The following WNK1 variants were observed in gnomAD, a reference collection of about 807,000 sequenced individuals.
The protein encoded by WNK1 is serine/threonine-protein kinase WNK1.
Under a neutral mutation model 222.8 loss-of-function variants are expected in WNK1, and 38 were observed. The ratio of observed to expected loss-of-function variants is 0.17; its 90% CI spans 0.13 to 0.22. The LOEUF is 0.22. Ranked by LOEUF, WNK1 falls within the 10% of genes least tolerant of loss-of-function variation. WNK1 has a pLI of 1.00. For missense variants in WNK1, 2,348 were observed against 2,918.4 expected (o/e 0.80, Z 4.50); for synonymous variants, 1,090 against 1,092.9 (o/e 1.00, Z 0.05).
chr12:880,987 A>C lies in WNK1; in HGVS notation c.3099A>C (p.Gln1033His), dbSNP rs758615529. 2.1e-5 allele frequency: 34 copies of C among 1,614,180 alleles called. 2 individuals are homozygous for C. In the South Asian group the frequency reaches 3.7e-4, roughly 18 times the overall value. ...AAGCCCCCACTACATCCTCCCAGCA[A>C]GCAGTTTTGGAGGTAAATAGAATTA... ...LAQAPTTSSQ[Q>H]AVLESTQGVS... Residue 1033 changes from glutamine to histidine, a missense_variant, in exon 12 of 28, where the codon CAA becomes CAC. Coordinates refer to ENST00000315939, the MANE Select transcript of WNK1 (RefSeq NM_018979.4).
chr12:894,532 A>T, intron 22 of WNK1, 30 bp from the exon 23 acceptor site: 2 of 1,582,906 alleles, frequency 1.3e-6, no homozygotes, highest in Non-Finnish European at 1.7e-6. Context: ...GGAGACACTT[A>T]TGTTTTCCTC....
rs1953206838 is a variant in WNK1 at position 881,979 on chromosome 12, A to G, written c.3278A>G (p.His1093Arg). The change falls in exon 14 of 28, where the codon CAT (histidine) becomes CGT (arginine). Residue 1093 changes from histidine (H) to arginine (R), a missense_variant. Physicochemically the swap from His to Arg is conservative, Grantham distance 29 (BLOSUM62 0). Transcript: ENST00000315939. ...AACGTCCCATCTTCCAGTGGAAGGC[A>G]TGAAGGAAGAACTACAAAACGGCAT... is the stretch of plus-strand genomic sequence containing the variant. ...NENVPSSSGR[H>R]EGRTTKRHYR... The G allele has an allele frequency of 3.1e-6, 5 of 1,614,224 alleles. No individual in the cohort carries two copies. The East Asian group carries it at 1.1e-4, about 36-fold the overall frequency.
At chr12:905,439 C>T (rs906650465) in intron 26 of WNK1, among the ~76,000 whole-genome samples, 4 of 152,110 alleles carry the variant, frequency 2.6e-5, no homozygotes, top group Admixed American at 6.5e-5. Context: ...AAAGGGGCCT[C>T]GCAGCATCAG....
intron 4 of WNK1, among the ~76,000 whole-genome samples, chr12:833,272 T>A (rs549106653): frequency 6.6e-6 from 1 of 152,240 alleles, no homozygotes; most frequent in Non-Finnish European, 1.5e-5. Context: ...GTAATTTACA[T>A]TGTGAATTTA....
chr12:850,390 C>A lies in WNK1; in HGVS notation c.1312-6771C>A, dbSNP rs551226739. On this transcript the variant is annotated intron_variant, in intron 4 of 27. Transcript: ENST00000315939. ...TCTTTTGAGAAGTGTCTGTTCATAA[C>A]CTTTGCCCACTTTTTGATGGGGTTG... Among the ~76,000 whole-genome samples the A allele has an allele frequency of 4.8e-4, 73 of 152,250 alleles. 1 individual carries two copies. Among genetic ancestry groups the A allele is most frequent in the Middle Eastern group, 3.4e-3 (1 of 294 alleles).
intron 2 of WNK1, among the ~76,000 whole-genome samples, chr12:821,651 C>T (rs1947891397): frequency 6.6e-6 from 1 of 152,222 alleles, no homozygotes; most frequent in African/African-American, 2.4e-5. Context: ...AAGTCTCCAA[C>T]TATTACTGTA....
chr12:823,369 C>T (rs185750044), intron 2 of WNK1, among the ~76,000 whole-genome samples: 1 of 152,206 alleles, frequency 6.6e-6, no homozygotes, highest in Non-Finnish European at 1.5e-5. Flanking sequence ...AATATTCTTT[C>T]TGCTCTTTTC....
intron 1 of WNK1, among the ~76,000 whole-genome samples, chr12:796,176 G>A (rs557080769): frequency 6.6e-6 from 1 of 151,980 alleles, no homozygotes; most frequent in South Asian, 2.1e-4. Context: ...TCCTGACCAT[G>A]TATCTTATTT....
At chr12:874,417 GT>G (rs1952435042) in intron 9 of WNK1, among the ~76,000 whole-genome samples, 1 of 152,172 alleles carries the variant, frequency 6.6e-6, no homozygotes, top group Non-Finnish European at 1.5e-5. Flanking sequence ...TAAACAACTG[GT>G]TTAGAGATCT....
chr12:753,478 C>T lies in WNK1; in HGVS notation c.-88C>T. On this transcript the variant is annotated 5_prime_UTR_variant, in exon 1 of 28. Coordinates refer to ENST00000315939, the MANE Select transcript of WNK1 (RefSeq NM_018979.4). The surrounding 1 kb of genome is among the most constrained non-coding windows in gnomAD (Gnocchi z 5.2). The stretch of plus-strand genomic sequence containing the variant: ...CGCGAACCCGCCCGGCCGCGGTTCC[C>T]TGCAGACCTCTGCGCGGGCGGCTCG... 6.3e-7 allele frequency: 1 copy of T among 1,581,760 alleles called. No homozygotes were observed. The highest frequency in any genetic ancestry group is 8.6e-7 in the Non-Finnish European group (1 of 1,163,984).
chr12:857,934 A>G (rs1247112420), intron 5 of WNK1, among the ~76,000 whole-genome samples: 1 of 152,230 alleles, frequency 6.6e-6, no homozygotes, highest in African/African-American at 2.4e-5. Context: ...GCTAGTACAA[A>G]TACAAATTGC....
intron 8 of WNK1, chr12:869,225 G>A (rs1399846349): frequency 6.3e-6 from 9 of 1,426,040 alleles, no homozygotes; most frequent in Middle Eastern, 3.5e-4. Flanking sequence ...AATTTTATCA[G>A]TAGAGTTTCC....
intron 25 of WNK1, among the ~76,000 whole-genome samples, chr12:900,205 C>T (rs921518548): frequency 2.6e-5 from 4 of 151,710 alleles, no homozygotes; most frequent in Admixed American, 6.6e-5. Context: ...AGGCTGGTCT[C>T]GAACTCCTGA....
rs192925947 is a variant in WNK1, at chr12:908,844, G to A, written c.*52G>A. 2.2e-4 allele frequency: 290 copies of A among 1,293,628 alleles called. 1 individual carries two copies. The African/African-American group carries it at 3.8e-3, about 17-fold the overall frequency. The allele number at this position is 1,293,628 out of a possible 1,614,324, so 80.1% of individuals were successfully genotyped here. ...TGGGGGCAGGAGATGGAATGCTGAGGGGGTGGGTGGGGGTGGGAAGTAGCC... is the reference window on the plus strand; with the variant it reads ...TGGGGGCAGGAGATGGAATGCTGAGAGGGTGGGTGGGGGTGGGAAGTAGCC... On this transcript the variant is annotated 3_prime_UTR_variant, in exon 28 of 28. Coordinates refer to ENST00000315939, the MANE Select transcript of WNK1 (RefSeq NM_018979.4).
chr12:757,439 C>CCT (rs1469866886), intron 1 of WNK1, among the ~76,000 whole-genome samples: 1 of 149,994 alleles, frequency 6.7e-6, no homozygotes, highest in Non-Finnish European at 1.5e-5. Context: ...GATTCTCCTG[C>CCT]CTCAGCCTCC....
intron 1 of WNK1, among the ~76,000 whole-genome samples, chr12:769,202 C>T (rs1032167884): frequency 6.6e-6 from 1 of 151,168 alleles, no homozygotes; most frequent in Non-Finnish European, 1.5e-5. Flanking sequence ...AGCTACCTTC[C>T]GTTTCCTTTT....
intron 22 of WNK1, 27 bp from the exon 23 acceptor site, chr12:894,535 T>C: frequency 6.3e-7 from 1 of 1,592,504 alleles, no homozygotes; most frequent in Non-Finnish European, 8.6e-7. Flanking sequence ...GACACTTATG[T>C]TTTCCTCATC....
intron 1 of WNK1, among the ~76,000 whole-genome samples, chr12:810,758 C>G (rs1175650014): frequency 6.6e-6 from 1 of 152,164 alleles, no homozygotes. Flanking sequence ...GGTCATTGTA[C>G]TAAACATTAG....
chr12:847,762 C>T (rs1330429263), intron 4 of WNK1, among the ~76,000 whole-genome samples: 2 of 149,378 alleles, frequency 1.3e-5, no homozygotes, highest in African/African-American at 2.5e-5. Context: ...CTAGATGAGA[C>T]ACTCCATAGT....
Sources: gnomAD v4.1 joint callset for allele counts (sites outside exome capture counted in the v4.1 genomes callset) on GRCh38, gnomAD v4.1.1 for gene constraint, Gnocchi (gnomAD v3.1) non-coding constraint, MANE v1.5 for transcripts, NCBI Gene and HGNC (gene_info 2026-07-23, HGNC 2026-07-21) for gene names.